TAF1: variants seen among roughly 807,000 people sequenced by gnomAD.
TAF1 encodes TATA-box binding protein associated factor 1.
TAF1 carries 2 observed loss-of-function variants against 138.5 expected under a neutral mutation model. The ratio of observed to expected loss-of-function variants is 0.01; its 90% CI spans 0.01 to 0.05. The LOEUF is 0.05. TAF1 is among the 10% of genes least tolerant of loss of function. TAF1 has a pLI of 1.00. For missense variants in TAF1, 709 were observed against 1,478.0 expected (o/e 0.48, Z 8.53); for synonymous variants, 437 against 503.2 (o/e 0.87, Z 1.76).
chrX:71,460,548 T>C (rs2038506198), intron 36 of TAF1, 78 bp from the exon 37 acceptor site: 2 of 1,096,646 alleles, frequency 1.8e-6, no homozygotes. Context: ...GTTACTAGTT[T>C]GGGAAGATCA....
At position 71,393,493 on chromosome X, in the gene TAF1, C is replaced by T. The variant is rs940057376; in HGVS notation, c.3227+17C>T. 8.6e-6 allele frequency: 10 copies of T among 1,168,369 alleles called. No individual in the cohort carries two copies. Among genetic ancestry groups the T allele is most frequent in the Non-Finnish European group, 1.0e-5 (9 of 875,686 alleles). ...ACAGAACAAGTGGGTCGTTTTAGTG[C>T]TGCAGAAAATCCAAGCTGGAAAGGG... is the stretch of plus-strand genomic sequence containing the variant. On this transcript the variant is annotated intron_variant, in intron 21 of 37. Transcript: ENST00000423759.
At chrX:71,501,675 G>A (rs180868099) in intron 13 of TAF1, among the ~76,000 whole-genome samples, 26 of 108,894 alleles carry the variant, frequency 2.4e-4, no homozygotes, top group African/African-American at 5.1e-4. Flanking sequence ...CAGGAAAAGC[G>A]GAAGCTGGTT....
At chrX:71,383,286 AT>A in intron 12 of TAF1, 122 bp downstream of exon 12, 1 of 831,787 alleles carries the variant, frequency 1.2e-6, no homozygotes, top group South Asian at 3.6e-5. Context: ...ATAGAATGTT[AT>A]TTTGGTTATT....
chrX:71,460,321 T>C (rs994315455), intron 36 of TAF1, among the ~76,000 whole-genome samples: 2 of 112,421 alleles, frequency 1.8e-5, no homozygotes, highest in Admixed American at 1.9e-4. Flanking sequence ...AGAAAAATCC[T>C]GTTTGGGGAT....
chrX:71,397,754 A>G (rs997944717), intron 23 of TAF1, among the ~76,000 whole-genome samples: 4 of 110,814 alleles, frequency 3.6e-5, no homozygotes, highest in African/African-American at 1.3e-4. Flanking sequence ...AAGTGCTGGG[A>G]TTACAGGCAT....
intron 3 of TAF1, among the ~76,000 whole-genome samples, chrX:71,370,698 C>G (rs759396135): frequency 2.5e-4 from 28 of 111,669 alleles, no homozygotes; most frequent in Middle Eastern, 9.1e-3. Context: ...CATCGTCCAC[C>G]TCTTCGAACT....
intron 32 of TAF1, among the ~76,000 whole-genome samples, chrX:71,452,670 A>C (rs2038069322): frequency 8.9e-6 from 1 of 112,087 alleles, no homozygotes; most frequent in African/African-American, 3.2e-5. Flanking sequence ...GCGGCCGGGC[A>C]GAGGCTGCAA....
Position 71,463,842 on chromosome X carries a change from G to T in TAF1, c.5418G>T (p.Glu1806Asp). Residue 1806 changes from glutamate to aspartate, a missense_variant, in exon 38 of 38, where the codon GAG (glutamate) becomes GAT (aspartate). Glu to Asp is a conservative substitution (Grantham distance 45). Around this residue, in one of 14 missense-constraint regions of TAF1, gnomAD observed 123 missense variants for 174.7 expected, o/e 0.70. Transcript: ENST00000423759. ...TTCTCAGTTATGGGAGCTATGAGGAGCCTGATCCCAAGTCGAACACCCAAG... is the reference window on the plus strand; with the variant it reads ...TTCTCAGTTATGGGAGCTATGAGGATCCTGATCCCAAGTCGAACACCCAAG... Reference protein sequence around the residue: ...DSNISYGSYEEPDPKSNTQDT... With the variant: ...DSNISYGSYEDPDPKSNTQDT... The T allele has an allele frequency of 8.3e-7, 1 of 1,210,657 alleles. No homozygotes were observed. The highest frequency in any genetic ancestry group is 1.1e-6 in the Non-Finnish European group (1 of 895,362).
chrX:71,405,509 C>T (rs2035420834), intron 25 of TAF1, among the ~76,000 whole-genome samples: 1 of 111,148 alleles, frequency 9.0e-6, no homozygotes, highest in African/African-American at 3.3e-5. Flanking sequence ...TGCTGCCACG[C>T]CAGGCTAATT....
rs2034678554 is a variant in TAF1, at chrX:71,393,479, G to A, written c.3227+3G>A. On this transcript the variant is annotated splice_donor_region_variant and intron_variant, in intron 21 of 37. Transcript: ENST00000423759. Reference sequence around the variant, plus strand: ...CGCATCTTTGACCTACAGAACAAGTGGGTCGTTTTAGTGCTGCAGAAAATC... The same window carrying A: ...CGCATCTTTGACCTACAGAACAAGTAGGTCGTTTTAGTGCTGCAGAAAATC... The A allele has an allele frequency of 8.4e-7, 1 of 1,184,042 alleles. No homozygotes were observed. Among genetic ancestry groups the A allele is most frequent in the Non-Finnish European group, 1.1e-6 (1 of 882,682 alleles).
intron 13 of TAF1, among the ~76,000 whole-genome samples, chrX:71,505,416 A>G (rs1460291644): frequency 9.0e-6 from 1 of 111,692 alleles, no homozygotes; most frequent in African/African-American, 3.3e-5. Flanking sequence ...CAGCCAGATG[A>G]TGAAGATCAA....
At chrX:71,529,834 G>A in exon 15 of TAF1, 1 of 308,904 alleles carries the variant, frequency 3.2e-6, no homozygotes, top group South Asian at 3.0e-5. Flanking sequence ...AAGCCAAGGA[G>A]AGGACTACAG....
rs139341076 is a variant in TAF1, at chrX:71,412,317, A to G, written c.4384+4166A>G. Among the ~76,000 whole-genome samples the G allele has an allele frequency of 1.0e-2, 1,080 of 108,404 alleles. 9 individuals carry two copies. Among genetic ancestry groups the G allele is most frequent in the African/African-American group, 0.034 (1,001 of 29,801 alleles). The allele number at this position is 108,404 out of a possible 115,157, so 94.1% of individuals were successfully genotyped here. Reference sequence around the variant, plus strand: ...TTTTTATTTTTTATTTTGTAGAGACAAGAGTCTCACTATGTTGCCCAGGCT... The same window carrying G: ...TTTTTATTTTTTATTTTGTAGAGACGAGAGTCTCACTATGTTGCCCAGGCT... On this transcript the variant is annotated intron_variant, in intron 28 of 37. Transcript: ENST00000423759.
At position 71,486,550 on chromosome X, in the gene TAF1, A is replaced by G. The variant is rs1385744533; in HGVS notation, c.1366+25747A>G. On this transcript the variant is annotated intron_variant and NMD_transcript_variant, in intron 13 of 14. Coordinates refer to the TAF1 transcript ENST00000373775. Reference sequence around the variant, plus strand: ...TTTTTTTTTTTTTTTCTGTAGAGACAGGGGTCTCACCATGTTTCCCAGGCA... The same window carrying G: ...TTTTTTTTTTTTTTTCTGTAGAGACGGGGGTCTCACCATGTTTCCCAGGCA... 7.0e-5 allele frequency among the ~76,000 whole-genome samples: 7 copies of G among 100,371 alleles called. 1 individual carries two copies. The highest frequency in any genetic ancestry group is 2.6e-4 in the African/African-American group (7 of 27,330). 87.2% of individuals were successfully genotyped at this position (100,371 alleles called of 115,157 possible).
chrX:71,367,871 A>G (rs776778901), intron 2 of TAF1, among the ~76,000 whole-genome samples, 183 bp from the exon 3 acceptor site: 1 of 111,650 alleles, frequency 9.0e-6, no homozygotes, highest in South Asian at 3.7e-4. Flanking sequence ...GGGTTTCATC[A>G]TATTGGTCAG....
At position 71,464,304 on chromosome X, in the gene TAF1, C is replaced by T. The variant is rs899921768; in HGVS notation, c.*258C>T. ...ACGGAAAAGAGCAAGCTCATTTTTC[C>T]GTGTCCTCCTTTATTTAACTCCATT... On this transcript the variant is annotated 3_prime_UTR_variant, in exon 38 of 38. Coordinates refer to ENST00000423759, the MANE Select transcript of TAF1 (RefSeq NM_004606.5). 6 of 390,533 alleles carry T rather than the reference C, an allele frequency of 1.5e-5. No individual in the cohort carries two copies. The highest frequency in any genetic ancestry group is 8.1e-5 in the East Asian group (2 of 24,822). 32.2% of individuals were successfully genotyped at this position (390,533 alleles called of 1,213,427 possible). A position where few individuals can be genotyped will look rare whatever the true frequency, so the allele number is the denominator to read the frequency against.
At chrX:71,370,524 A>G (rs957598275) in intron 3 of TAF1, among the ~76,000 whole-genome samples, 1 of 110,836 alleles carries the variant, frequency 9.0e-6, no homozygotes, top group Non-Finnish European at 1.9e-5. Context: ...TTTTTTTTGT[A>G]TTTTTAGTAG....
chrX:71,452,065 A>C (rs370115341), intron 32 of TAF1, among the ~76,000 whole-genome samples: 1 of 79,571 alleles, frequency 1.3e-5, no homozygotes, highest in Non-Finnish European at 2.5e-5. Flanking sequence ...GGGCAGAGGC[A>C]CCCCTCACCT....
chrX:71,398,445 A>G, intron 23 of TAF1, 127 bp from the exon 24 acceptor site: 1 of 883,176 alleles, frequency 1.1e-6, no homozygotes, highest in Non-Finnish European at 1.5e-6. Flanking sequence ...AATGGCATGT[A>G]GCCCCTTTTA....
Sources: gnomAD v4.1 joint callset for allele counts (sites outside exome capture counted in the v4.1 genomes callset) on GRCh38, gnomAD v4.1.1 for gene constraint, gnomAD v4.1.1 regional missense constraint, MANE v1.5 for transcripts, NCBI Gene and HGNC (gene_info 2026-07-23, HGNC 2026-07-21) for gene names.